SNRPB: variants seen among roughly 807,000 people sequenced by gnomAD.
The protein encoded by SNRPB is small nuclear ribonucleoprotein polypeptides B and B1, also known as small nuclear ribonucleoprotein-associated proteins B and B'.
A neutral mutation model predicts 26.6 loss-of-function variants in SNRPB; 5 were observed. That is an observed-to-expected ratio of 0.19 (90% CI 0.10 to 0.39). The LOEUF (loss-of-function observed/expected upper bound fraction) is 0.39, where lower values mean the gene tolerates loss of function less well. Ranked by LOEUF, SNRPB falls within the 10% of genes least tolerant of loss-of-function variation. The pLI, the probability that SNRPB is intolerant of heterozygous loss-of-function variation, is 1.00. For synonymous variants in SNRPB, 122 were observed against 105.8 expected, an observed-to-expected ratio of 1.15 and a Z score of -0.94; for missense variants, 211 against 311.9, an observed-to-expected ratio of 0.68 and a Z score of 2.44.
Position 2,463,576 on chromosome 20 carries a change from T to C in SNRPB, c.420+171A>G, listed in dbSNP as rs2085050702. On this transcript the variant is annotated intron_variant, in intron 4 of 6. Transcript: ENST00000381342. This position sits in a 1 kb window ranked among gnomAD's most constrained non-coding sequence, Gnocchi z 5.0. ...TTAATAGCATCAACATAATTTACAA[T>C]GGCAACTTATCCTTTTCACTTGCTT... Among the ~76,000 whole-genome samples the C allele has an allele frequency of 6.6e-6, 1 of 152,278 alleles. No individual in the cohort carries two copies. Among genetic ancestry groups the C allele is most frequent in the Non-Finnish European group, 1.5e-5 (1 of 68,048 alleles).
At chr20:2,467,785 G>A in intron 1 of SNRPB, 27 bp from the exon 2 acceptor site, 1 of 1,608,942 alleles carries the variant, frequency 6.2e-7, no homozygotes, top group Non-Finnish European at 8.5e-7. Context: ...ACAGGGATGA[G>A]ACTCTGCTCT....
chr20:2,463,273 C>T lies in SNRPB; in HGVS notation c.421-46G>A, dbSNP rs762265524. 2.7e-6 allele frequency: 4 copies of T among 1,476,126 alleles called. No individual in the cohort carries two copies. Among genetic ancestry groups the T allele is most frequent in the Non-Finnish European group, 3.8e-6 (4 of 1,054,958 alleles). 91.4% of individuals were successfully genotyped at this position (1,476,126 alleles called of 1,614,324 possible). A position where few individuals can be genotyped will look rare whatever the true frequency, so the allele number is the denominator to read the frequency against. ...AGAGTTAGAAGAGTACAGTACAATGCAGCTTCCCACTCTCCTCCCCAACTT... is the reference window on the plus strand; with the variant it reads ...AGAGTTAGAAGAGTACAGTACAATGTAGCTTCCCACTCTCCTCCCCAACTT... On this transcript the variant is annotated intron_variant, in intron 4 of 6. Coordinates refer to ENST00000381342, the MANE Select transcript of SNRPB (RefSeq NM_003091.4). This position sits in a 1 kb window ranked among gnomAD's most constrained non-coding sequence, Gnocchi z 5.0.
In SNRPB at chr20:2,470,776, G is replaced by A. The variant is rs1319181378; in HGVS notation, c.-86C>T. ...CTCCCACAGCCGATTTCCCGCCGCCGCTACCGGAAATGCAGCACCACGTAA... is the reference window on the plus strand; with the variant it reads ...CTCCCACAGCCGATTTCCCGCCGCCACTACCGGAAATGCAGCACCACGTAA... On this transcript the variant is annotated 5_prime_UTR_variant, in exon 1 of 7. Coordinates refer to ENST00000381342, the MANE Select transcript of SNRPB (RefSeq NM_003091.4). 3 of 1,538,422 alleles carry A rather than the reference G, an allele frequency of 2.0e-6. No homozygotes were observed. Among genetic ancestry groups the A allele is most frequent in the Non-Finnish European group, 1.8e-6 (2 of 1,117,254 alleles).
intron 3 of SNRPB, among the ~76,000 whole-genome samples, chr20:2,465,400 T>TTTC (rs2085065584): frequency 1.5e-5 from 1 of 68,688 alleles, no homozygotes; most frequent in Admixed American, 2.3e-4. Context: ...CTTTTTTTTT[T>TTTC]TTTTGTCTTT....
At chr20:2,470,364 G>A (rs925061643) in intron 1 of SNRPB, among the ~76,000 whole-genome samples, 5 of 152,204 alleles carry the variant, frequency 3.3e-5, no homozygotes, top group Non-Finnish European at 7.3e-5. Context: ...TCCGAAGCCC[G>A]GGACATATAT....
chr20:2,463,466 C>T lies in SNRPB; in HGVS notation c.421-239G>A, dbSNP rs951243288. ...GTCCAATCCAAGTGAGAGAAGGCAA[C>T]TGCATTTTCAAATATGACTCATGAT... On this transcript the variant is annotated intron_variant, in intron 4 of 6. Coordinates refer to ENST00000381342, the MANE Select transcript of SNRPB (RefSeq NM_003091.4). This position sits in a 1 kb window ranked among gnomAD's most constrained non-coding sequence, Gnocchi z 5.0. Among the ~76,000 whole-genome samples, 5 of 152,238 alleles carry T rather than the reference C, an allele frequency of 3.3e-5. No homozygotes were observed. Among genetic ancestry groups the T allele is most frequent in the Non-Finnish European group, 5.9e-5 (4 of 68,038 alleles).
intron 2 of SNRPB, chr20:2,467,042 G>A (rs182850608): frequency 1.1e-5 from 3 of 268,790 alleles, no homozygotes; most frequent in Admixed American, 5.1e-5. Flanking sequence ...CTTTTAATGG[G>A]CCAAAAGCTT....
chr20:2,467,472 A>T, intron 2 of SNRPB, 135 bp downstream of exon 2: 1 of 788,600 alleles, frequency 1.3e-6, no homozygotes, highest in South Asian at 1.7e-5. Context: ...CAATGTCCCC[A>T]TTTAAGTCTG....
At chr20:2,466,626 A>G (rs892524245) in intron 2 of SNRPB, among the ~76,000 whole-genome samples, 1 of 152,122 alleles carries the variant, frequency 6.6e-6, no homozygotes, top group African/African-American at 2.4e-5. Context: ...ACATTTTCTT[A>G]TTTTTTAAAA....
In SNRPB at chr20:2,465,737, T is replaced by C. The variant is rs758563774; in HGVS notation, c.238A>G (p.Met80Val). 1.9e-6 allele frequency: 3 copies of C among 1,613,524 alleles called. No homozygotes were observed. Among genetic ancestry groups the C allele is most frequent in the Non-Finnish European group, 2.5e-6 (3 of 1,179,768 alleles). The change falls in exon 3 of 7, where the codon ATG becomes GTG. Residue 80 changes from methionine (M) to valine (V), a missense_variant. Physicochemically the swap from Met to Val is conservative, Grantham distance 21. Transcript: ENST00000381342. The part of the protein sequence containing the change: ...VLLRGENLVS[M>V]TVEGPPPKDT... Reference sequence around the variant, plus strand: ...TTGGGAGGAGGTCCCTCTACTGTCATTGAGACCAGATTCTCCCCTCGCAGC... The same window carrying C: ...TTGGGAGGAGGTCCCTCTACTGTCACTGAGACCAGATTCTCCCCTCGCAGC...
intron 1 of SNRPB, among the ~76,000 whole-genome samples, chr20:2,469,871 G>A (rs955090555): frequency 6.6e-6 from 1 of 152,108 alleles, no homozygotes; most frequent in Non-Finnish European, 1.5e-5. Context: ...GAAAAATCCA[G>A]TAACTTTTTA....
chr20:2,462,015 C>A, intron 6 of SNRPB, 76 bp from the exon 7 acceptor site: 1 of 1,037,284 alleles, frequency 9.6e-7, no homozygotes, highest in Admixed American at 1.9e-5. Flanking sequence ...GCCTCCCACG[C>A]CCTGCAGTAA....
intron 2 of SNRPB, 148 bp downstream of exon 2, chr20:2,467,459 G>A (rs932690637): frequency 4.9e-5 from 35 of 719,098 alleles, no homozygotes; most frequent in South Asian, 3.0e-4. Context: ...ATTTCTTAGC[G>A]TTCAATGTCC....
intron 2 of SNRPB, among the ~76,000 whole-genome samples, chr20:2,466,341 CAG>C (rs1281828763): frequency 6.6e-6 from 1 of 152,162 alleles, no homozygotes; most frequent in African/African-American, 2.4e-5. Flanking sequence ...TTCACATACA[CAG>C]AAATTGAAAT....
intron 1 of SNRPB, 92 bp downstream of exon 1, chr20:2,470,595 GC>G (rs138862809): frequency 0.018 from 27,759 of 1,530,010 alleles, 505 homozygotes; most frequent in East Asian, 0.094. Context: ...GCCCTAAGTG[GC>G]TCCAACCCAC....
chr20:2,463,612 G>A lies in SNRPB; in HGVS notation c.420+135C>T, dbSNP rs902414350. ...CCTTTTCACTTGCTTCTAGGGCCAT[G>A]TATAAACCACAGTGAAACACTGATA... On this transcript the variant is annotated intron_variant, in intron 4 of 6. Transcript: ENST00000381342. The surrounding 1 kb of genome is among the most constrained non-coding windows in gnomAD (Gnocchi z 5.0). 2.4e-5 allele frequency: 17 copies of A among 705,658 alleles called. No homozygotes were observed. Among genetic ancestry groups the A allele is most frequent in the Non-Finnish European group, 4.2e-5 (17 of 406,858 alleles). 43.7% of individuals were successfully genotyped at this position (705,658 alleles called of 1,614,324 possible).
chr20:2,464,545 TCA>T (rs2085058605), intron 3 of SNRPB, among the ~76,000 whole-genome samples: 2 of 152,230 alleles, frequency 1.3e-5, no homozygotes, highest in South Asian at 2.1e-4. Context: ...TGAGAAAATC[TCA>T]GTCATTAACT....
intron 5 of SNRPB, 108 bp from the exon 6 acceptor site, chr20:2,462,869 CCT>C: frequency 9.6e-7 from 1 of 1,039,500 alleles, no homozygotes; most frequent in Non-Finnish European, 1.4e-6. Context: ...ACCATTCCAC[CCT>C]CTCAGCAGCT....
Position 2,470,695 on chromosome 20 carries a change from G to T in SNRPB, c.-5C>A, listed in dbSNP as rs1207450116. 1.2e-6 allele frequency: 2 copies of T among 1,613,454 alleles called. No individual in the cohort carries two copies. The highest frequency in any genetic ancestry group is 1.7e-6 in the Non-Finnish European group (2 of 1,180,026). On this transcript the variant is annotated 5_prime_UTR_variant, in exon 1 of 7. Coordinates refer to ENST00000381342, the MANE Select transcript of SNRPB (RefSeq NM_003091.4). The stretch of plus-strand genomic sequence containing the variant: ...AGCCTGTGCCCTCCTTACCATGGTG[G>T]CGGTTCTGATGGCTCTGATACCCGC...
Sources: allele counts gnomAD v4.1 joint callset (sites outside exome capture counted in the v4.1 genomes callset), GRCh38; gene constraint gnomAD v4.1.1; non-coding constraint Gnocchi (gnomAD v3.1); transcripts MANE v1.5; gene names NCBI Gene and HGNC (gene_info 2026-07-23, HGNC 2026-07-21).